OTUD7A: variants seen among roughly 807,000 people sequenced by gnomAD.
OTUD7A encodes OTU domain-containing protein 7A.
OTUD7A carries 12 observed loss-of-function variants against 65.7 expected under a neutral mutation model. The ratio of observed to expected loss-of-function variants is 0.18; its 90% CI spans 0.12 to 0.30. The LOEUF (loss-of-function observed/expected upper bound fraction) is 0.30. OTUD7A is among the 10% of genes least tolerant of loss of function. OTUD7A has a pLI of 1.00. For synonymous variants in OTUD7A, 641 were observed against 586.3 expected, an observed-to-expected ratio of 1.09 and a Z score of -1.35; for missense variants, 1,148 against 1,304.8, an observed-to-expected ratio of 0.88 and a Z score of 1.85.
intron 1 of OTUD7A, among the ~76,000 whole-genome samples, chr15:31,838,275 C>T (rs1004932113): frequency 6.6e-6 from 1 of 152,164 alleles, no homozygotes; most frequent in Admixed American, 6.5e-5. Flanking sequence ...ATAAATTGGA[C>T]TTCAGCAACA....
rs2041092594 is a variant in OTUD7A, at chr15:31,479,985, A to G, written c.*3309T>C. 6.6e-6 allele frequency: 1 copy of G among 152,210 alleles called. No homozygotes were observed. The highest frequency in any genetic ancestry group is 6.5e-5 in the Admixed American group (1 of 15,286). The allele number at this position is 152,210 out of a possible 1,614,324, so 9.4% of individuals were successfully genotyped here. A position where few individuals can be genotyped will look rare whatever the true frequency, so the allele number is the denominator to read the frequency against. On this transcript the variant is annotated 3_prime_UTR_variant, in exon 13 of 13. Transcript: ENST00000307050. ...CAGAAAAAAGGAAATCAAGCTTTCA[A>G]TAAAAAAAGACACTGATACATTCCC...
chr15:31,653,990 G>A (rs1346452188), intron 3 of OTUD7A, among the ~76,000 whole-genome samples: 1 of 98,152 alleles, frequency 1.0e-5, no homozygotes, highest in Non-Finnish European at 2.0e-5. Flanking sequence ...CAACATAGAA[G>A]AAATCTCAGG....
Position 31,723,403 on chromosome 15 carries a change from C to G in OTUD7A, c.-99-66326G>C, listed in dbSNP as rs867583154. On this transcript the variant is annotated intron_variant, in intron 1 of 12. Coordinates refer to ENST00000307050, the MANE Select transcript of OTUD7A (RefSeq NM_001382637.1). Reference sequence around the variant, plus strand: ...CCCCGCACCGCACGCCACCCCCCCCCCCCCGCCCCCCGTTTGCCCATGAAA... The same window carrying G: ...CCCCGCACCGCACGCCACCCCCCCCGCCCCGCCCCCCGTTTGCCCATGAAA... 1.1e-3 allele frequency among the ~76,000 whole-genome samples: 133 copies of G among 126,200 alleles called. 2 individuals carry two copies. The highest frequency in any genetic ancestry group is 3.8e-3 in the Middle Eastern group (1 of 262). 82.8% of individuals were successfully genotyped at this position (126,200 alleles called of 152,430 possible).
intron 1 of OTUD7A, among the ~76,000 whole-genome samples, chr15:31,722,226 G>T (rs1281065018): frequency 1.3e-5 from 2 of 152,126 alleles, no homozygotes; most frequent in East Asian, 1.9e-4. Flanking sequence ...AGCTCTGATT[G>T]GTATGGACAC....
intron 8 of OTUD7A, among the ~76,000 whole-genome samples, chr15:31,510,082 G>GTTT (rs35393343): frequency 8.3e-6 from 1 of 119,946 alleles, no homozygotes; most frequent in Non-Finnish European, 1.8e-5. Flanking sequence ...TGTTTCCCCT[G>GTTT]TTTTTTTTTT....
At chr15:31,585,849 C>T (rs72726945) in intron 3 of OTUD7A, among the ~76,000 whole-genome samples, 3,598 of 152,092 alleles carry the variant, frequency 0.024, 72 homozygotes, top group Middle Eastern at 0.054. Flanking sequence ...CATGGGTTTC[C>T]GGGAGTTGTA....
At chr15:31,585,993 T>C (rs1478337234) in intron 3 of OTUD7A, among the ~76,000 whole-genome samples, 2 of 152,196 alleles carry the variant, frequency 1.3e-5, no homozygotes, top group Non-Finnish European at 1.5e-5. Context: ...TATAAATGTA[T>C]ACATTAAAAT....
chr15:31,548,609 T>C (rs1425461510), intron 5 of OTUD7A, among the ~76,000 whole-genome samples: 1 of 152,092 alleles, frequency 6.6e-6, no homozygotes, highest in African/African-American at 2.4e-5. Context: ...GGCAATTGCA[T>C]GCAGCCGATG....
At chr15:31,686,584 G>A (rs544631013) in intron 1 of OTUD7A, among the ~76,000 whole-genome samples, 5 of 152,344 alleles carry the variant, frequency 3.3e-5, no homozygotes, top group South Asian at 4.1e-4. Context: ...TCCAGAGGAC[G>A]AGGAGACAAG....
chr15:31,756,761 T>G (rs916158707), intron 1 of OTUD7A, among the ~76,000 whole-genome samples: 3 of 152,062 alleles, frequency 2.0e-5, no homozygotes, highest in Admixed American at 6.5e-5. Context: ...ATAAATTAGA[T>G]GAAATCAGCT....
chr15:31,517,110 A>G (rs2041870031), intron 8 of OTUD7A, among the ~76,000 whole-genome samples: 1 of 152,216 alleles, frequency 6.6e-6, no homozygotes, highest in South Asian at 2.1e-4. Context: ...TGTGAGGGAC[A>G]TGGGTCATGG....
intron 3 of OTUD7A, among the ~76,000 whole-genome samples, chr15:31,645,411 A>C (rs1183293733): frequency 6.6e-6 from 1 of 152,164 alleles, no homozygotes; most frequent in Non-Finnish European, 1.5e-5. Flanking sequence ...ACATTCGTAC[A>C]TCACTTATAA....
chr15:31,579,855 T>C (rs531639848), intron 3 of OTUD7A, among the ~76,000 whole-genome samples: 15 of 152,356 alleles, frequency 9.8e-5, no homozygotes, highest in African/African-American at 3.6e-4. Flanking sequence ...CACGTGTGCA[T>C]ATCTGTACCA....
intron 1 of OTUD7A, among the ~76,000 whole-genome samples, chr15:31,853,706 C>T (rs1032490253): frequency 6.6e-6 from 1 of 152,240 alleles, no homozygotes; most frequent in African/African-American, 2.4e-5. Flanking sequence ...CCAACTTAAA[C>T]CCTGAAATCT....
At chr15:31,624,968 C>T (rs1038519456) in intron 3 of OTUD7A, among the ~76,000 whole-genome samples, 4 of 152,150 alleles carry the variant, frequency 2.6e-5, no homozygotes, top group Admixed American at 6.5e-5. Flanking sequence ...TCTGTATGAC[C>T]GATGGATTAT....
chr15:31,617,430 T>C (rs1890625154), intron 3 of OTUD7A, among the ~76,000 whole-genome samples: 1 of 151,966 alleles, frequency 6.6e-6, no homozygotes, highest in South Asian at 2.1e-4. Context: ...GAGGTTGCAG[T>C]GAGCCCAGAC....
In OTUD7A at chr15:31,592,373, C is replaced by CT. The variant is rs200024730; in HGVS notation, c.152-22177dup. ...TTTCTTTATATCCTTATTCTATAAT[C>CT]TTTTTTTAAAAAAAAAATTAAACAT... is the stretch of plus-strand genomic sequence containing the variant. On this transcript the variant is annotated intron_variant, in intron 3 of 12. Transcript: ENST00000307050. 1.2e-4 allele frequency among the ~76,000 whole-genome samples: 17 copies of CT among 142,026 alleles called. No homozygotes were observed. The East Asian group carries it at 1.3e-3, about 11-fold the overall frequency. 93.2% of individuals were successfully genotyped at this position (142,026 alleles called of 152,430 possible).
chr15:31,839,386 G>A (rs1897131612), intron 1 of OTUD7A, among the ~76,000 whole-genome samples: 1 of 152,180 alleles, frequency 6.6e-6, no homozygotes, highest in Non-Finnish European at 1.5e-5. Flanking sequence ...ATGGGGCCAG[G>A]TAAGCACCTT....
At chr15:31,555,208 C>T (rs906342509) in intron 5 of OTUD7A, among the ~76,000 whole-genome samples, 1 of 152,188 alleles carries the variant, frequency 6.6e-6, no homozygotes, top group African/African-American at 2.4e-5. Flanking sequence ...TTCAGAACCA[C>T]CTGAGCCCTG....
Sources: allele counts gnomAD v4.1 joint callset (sites outside exome capture counted in the v4.1 genomes callset), GRCh38; gene constraint gnomAD v4.1.1; transcripts MANE v1.5; gene names NCBI Gene and HGNC (gene_info 2026-07-23, HGNC 2026-07-21).